SH2D3C: variants seen among roughly 807,000 people sequenced by gnomAD.
The protein encoded by SH2D3C is SH2 domain containing 3C.
Under a neutral mutation model 75.2 loss-of-function variants are expected in SH2D3C, and 25 were observed. That is an observed-to-expected ratio of 0.33 (90% CI 0.24 to 0.46). The LOEUF (loss-of-function observed/expected upper bound fraction) is 0.46. SH2D3C is among the 20% of genes least tolerant of loss of function. The pLI, the probability that SH2D3C is intolerant of heterozygous loss-of-function variation, is 1.00. For missense variants in SH2D3C, 933 were observed against 1,165.3 expected (o/e 0.80, Z 2.90); for synonymous variants, 450 against 473.7 (o/e 0.95, Z 0.65).
chr9:127,761,713 TTGCC>T, intron 2 of SH2D3C, 63 bp from the exon 3 acceptor site: 7 of 1,434,684 alleles, frequency 4.9e-6, no homozygotes, highest in African/African-American at 2.8e-5. Flanking sequence ...TGCCGGTCTC[TTGCC>T]TGCCTGCCTG....
At chr9:127,755,026 C>G in intron 3 of SH2D3C, 5 of 900,158 alleles carry the variant, frequency 5.6e-6, no homozygotes, top group Non-Finnish European at 7.1e-6. Context: ...CCGGGCGGAG[C>G]GGCCGGGGGT....
At position 127,738,372 on chromosome 9, in the gene SH2D3C, A is replaced by G. The variant is rs1844748978; in HGVS notation, c.*374T>C. Reference sequence around the variant, plus strand: ...GAAATAACATGGCTTCTGTACATCTATTTACAGAACAGAGACTTATTTACA... The same window carrying G: ...GAAATAACATGGCTTCTGTACATCTGTTTACAGAACAGAGACTTATTTACA... On this transcript the variant is annotated 3_prime_UTR_variant, in exon 12 of 12. Transcript: ENST00000314830. This position sits in a 1 kb window ranked among gnomAD's most constrained non-coding sequence, Gnocchi z 5.0. The G allele has an allele frequency of 5.9e-6, 1 of 169,722 alleles. No homozygotes were observed. The highest frequency in any genetic ancestry group is 6.3e-5 in the Admixed American group (1 of 15,828). The allele number at this position is 169,722 out of a possible 1,614,324, so 10.5% of individuals were successfully genotyped here. A position where few individuals can be genotyped will look rare whatever the true frequency, so the allele number is the denominator to read the frequency against.
chr9:127,778,048 T>C (rs1829059330), intron 1 of SH2D3C, among the ~76,000 whole-genome samples: 1 of 152,042 alleles, frequency 6.6e-6, no homozygotes, highest in African/African-American at 2.4e-5. Flanking sequence ...AGTGCAGTGG[T>C]GCAATCTCTG....
rs748155808 is a variant in SH2D3C, at chr9:127,739,772, C to T, written c.2317G>A (p.Val773Met). 1.9e-5 allele frequency: 30 copies of T among 1,604,596 alleles called. No homozygotes were observed. Among genetic ancestry groups the T allele is most frequent in the South Asian group, 4.5e-5 (4 of 89,602 alleles). ...PEPWGSTEHG[V>M]EVVLAHLEAA... The stretch of plus-strand genomic sequence containing the variant: ...TCCAGGTGAGCCAGCACCACCTCCA[C>T]GCCGTGCTCCGTGCTGCCCCAGGGC... Residue 773 changes from valine (V) to methionine (M), a missense_variant, in exon 11 of 12, where the codon GTG becomes ATG. Physicochemically the swap from Val to Met is conservative, Grantham distance 21. Coordinates refer to ENST00000314830, the MANE Select transcript of SH2D3C (RefSeq NM_170600.3). The surrounding 1 kb of genome is among the most constrained non-coding windows in gnomAD (Gnocchi z 4.3).
At chr9:127,776,620 T>G (rs1845815106) in intron 1 of SH2D3C, among the ~76,000 whole-genome samples, 1 of 152,220 alleles carries the variant, frequency 6.6e-6, no homozygotes, top group Admixed American at 6.5e-5. Context: ...TCCGGCATTT[T>G]CCACATCCTC....
chr9:127,743,137 G>T (rs755126108), intron 7 of SH2D3C, among the ~76,000 whole-genome samples, 173 bp from the exon 8 acceptor site: 1 of 152,170 alleles, frequency 6.6e-6, no homozygotes, highest in East Asian at 1.9e-4. Context: ...CTTTCTCAGC[G>T]AGCCTCAGTT....
At chr9:127,741,311 G>C (rs1844848442) in intron 9 of SH2D3C, among the ~76,000 whole-genome samples, 1 of 150,372 alleles carries the variant, frequency 6.7e-6, no homozygotes, top group South Asian at 2.1e-4. Flanking sequence ...CGCAATCTTG[G>C]CTCACTGCAA....
At chr9:127,740,549 A>T (rs1844824844) in intron 9 of SH2D3C, among the ~76,000 whole-genome samples, 180 bp from the exon 10 acceptor site, 2 of 152,174 alleles carry the variant, frequency 1.3e-5, no homozygotes, top group Admixed American at 6.5e-5. Flanking sequence ...AACCCATTTT[A>T]CAGATTAGGG....
chr9:127,759,054 C>G (rs1422917546), intron 3 of SH2D3C, among the ~76,000 whole-genome samples: 1 of 152,280 alleles, frequency 6.6e-6, no homozygotes, highest in African/African-American at 2.4e-5. Flanking sequence ...GAAGCCATAG[C>G]AACCCTGGGT....
chr9:127,755,310 G>T, intron 3 of SH2D3C: 1 of 1,004,194 alleles, frequency 1.0e-6, no homozygotes, highest in Non-Finnish European at 1.3e-6. Flanking sequence ...GCGGGGAGGC[G>T]GGGCGGGGAG....
intron 2 of SH2D3C, among the ~76,000 whole-genome samples, chr9:127,768,533 T>C (rs956408361): frequency 6.6e-6 from 1 of 151,946 alleles, no homozygotes; most frequent in Admixed American, 6.6e-5. Context: ...TGCAGCAAGC[T>C]ATGATCGAGC....
intron 4 of SH2D3C, among the ~76,000 whole-genome samples, chr9:127,750,415 AAAGT>A (rs1349950905): frequency 6.6e-6 from 1 of 152,180 alleles, no homozygotes; most frequent in Non-Finnish European, 1.5e-5. Context: ...TCAGCCTCCC[AAAGT>A]GGTGAGATTA....
intron 9 of SH2D3C, among the ~76,000 whole-genome samples, chr9:127,740,979 CTGT>C (rs901885917): frequency 2.5e-4 from 38 of 152,214 alleles, no homozygotes; most frequent in African/African-American, 9.2e-4. Context: ...CCGCGCCTGG[CTGT>C]TGTTATTTAT....
intron 2 of SH2D3C, among the ~76,000 whole-genome samples, chr9:127,769,201 T>C (rs916188497): frequency 2.0e-5 from 3 of 152,222 alleles, no homozygotes; most frequent in Non-Finnish European, 4.4e-5. Context: ...GGCATAGCTG[T>C]ACCTCAGTCA....
intron 7 of SH2D3C, 71 bp downstream of exon 7, chr9:127,744,493 G>A: frequency 6.6e-7 from 1 of 1,512,304 alleles, no homozygotes; most frequent in Non-Finnish European, 8.9e-7. Context: ...GAATCTGGGA[G>A]CCAGCTTCTC....
chr9:127,761,674 G>C, intron 2 of SH2D3C, 24 bp from the exon 3 acceptor site: 2 of 1,606,564 alleles, frequency 1.2e-6, no homozygotes, highest in Non-Finnish European at 8.5e-7. Context: ...AGACAAGTGA[G>C]CATCCCCAGC....
At chr9:127,752,232 T>C (rs1272004109) in intron 3 of SH2D3C, among the ~76,000 whole-genome samples, 1 of 152,174 alleles carries the variant, frequency 6.6e-6, no homozygotes, top group African/African-American at 2.4e-5. Context: ...CAATCCTGGC[T>C]GTGCCTTGTG....
chr9:127,765,834 TCTC>T (rs955828247), intron 2 of SH2D3C, among the ~76,000 whole-genome samples: 5 of 152,148 alleles, frequency 3.3e-5, no homozygotes, highest in Admixed American at 1.3e-4. Context: ...AAAAGAGACT[TCTC>T]CTGCCATATT....
rs772668891 is a variant in SH2D3C at position 127,751,185 on chromosome 9, C to T, written c.671G>A (p.Arg224His). ...DLRSHAWYHG[R>H]IPREVSETLV... is the part of the protein sequence containing the mutation. ...GGGCCTACTCACCTCTCGGGGGATG[C>T]GGCCATGGTACCAGGCATGGCTGCG... is the stretch of plus-strand genomic sequence containing the variant. The change falls in exon 4 of 12, where the codon CGC (arginine) becomes CAC (histidine). Residue 224 changes from arginine (R) to histidine (H), a missense_variant. By Grantham distance (29) the Arg-to-His change is conservative. Transcript: ENST00000314830. This position sits in a 1 kb window ranked among gnomAD's most constrained non-coding sequence, Gnocchi z 4.1. 5.0e-6 allele frequency: 8 copies of T among 1,613,732 alleles called. No homozygotes were observed. In the Admixed American group the frequency reaches 5.0e-5, roughly 10 times the overall value.
Sources: gnomAD v4.1 joint callset for allele counts (sites outside exome capture counted in the v4.1 genomes callset) on GRCh38, gnomAD v4.1.1 for gene constraint, Gnocchi (gnomAD v3.1) non-coding constraint, MANE v1.5 for transcripts, NCBI Gene and HGNC (gene_info 2026-07-23, HGNC 2026-07-21) for gene names.